Variants in CABLES1 observed in about 807,000 individuals in gnomAD.
CABLES1 encodes CDK5 and ABL1 enzyme substrate 1.
Under a neutral mutation model 57.8 loss-of-function variants are expected in CABLES1, and 36 were observed. The observed-to-expected ratio is 0.62, with a 90% CI of 0.48 to 0.82. The LOEUF (loss-of-function observed/expected upper bound fraction) is 0.82, where lower values mean the gene tolerates loss of function less well. Ranked by LOEUF, CABLES1 falls within the 40% of genes least tolerant of loss-of-function variation. The pLI, the probability that CABLES1 is intolerant of heterozygous loss-of-function variation, is 0.00. For missense variants in CABLES1, 767 were observed against 836.6 expected (o/e 0.92, Z 1.03); for synonymous variants, 374 against 363.0 (o/e 1.03, Z -0.35).
intron 9 of CABLES1, among the ~76,000 whole-genome samples, chr18:23,255,303 G>A (rs767855272): frequency 4.3e-5 from 6 of 140,336 alleles, no homozygotes; most frequent in Non-Finnish European, 7.7e-5. Context: ...TAAAAGACAT[G>A]GTTAAGTCAG....
chr18:23,233,316 G>A (rs931845590), intron 4 of CABLES1, among the ~76,000 whole-genome samples: 4 of 152,060 alleles, frequency 2.6e-5, no homozygotes, highest in African/African-American at 7.3e-5. Flanking sequence ...GTCCTTTGAG[G>A]TGTGAGCAGT....
chr18:23,207,302 G>A (rs142612762), intron 3 of CABLES1, among the ~76,000 whole-genome samples: 22 of 152,298 alleles, frequency 1.4e-4, no homozygotes, highest in African/African-American at 3.1e-4. Context: ...GAGTGGAAAC[G>A]CTGGTGAGTC....
At chr18:23,186,649 T>C (rs2047205070) in intron 1 of CABLES1, among the ~76,000 whole-genome samples, 1 of 152,178 alleles carries the variant, frequency 6.6e-6, no homozygotes, top group Non-Finnish European at 1.5e-5. Flanking sequence ...CTCAAACTCC[T>C]GATCTCAGGT....
In CABLES1 at chr18:23,167,710, C is replaced by T. The variant is rs545671572; in HGVS notation, c.846-21128C>T. The stretch of plus-strand genomic sequence containing the variant: ...TACCAGGCTGCAACAGAGTGAAGCC[C>T]GGGAGGCCATGGGAGCAAGGAGGGG... On this transcript the variant is annotated intron_variant, in intron 1 of 9. Coordinates refer to ENST00000256925, the MANE Select transcript of CABLES1 (RefSeq NM_001100619.3). Among the ~76,000 whole-genome samples the T allele has an allele frequency of 1.1e-4, 11 of 99,222 alleles. No individual in the cohort carries two copies. In the South Asian group the frequency reaches 2.8e-3, roughly 25 times the overall value. 65.1% of individuals were successfully genotyped at this position (99,222 alleles called of 152,430 possible).
chr18:23,248,783 C>A (rs552739665), intron 7 of CABLES1, among the ~76,000 whole-genome samples: 6 of 152,244 alleles, frequency 3.9e-5, no homozygotes, highest in Non-Finnish European at 7.4e-5. Context: ...TGAGATCACA[C>A]CATTGCACTC....
intron 1 of CABLES1, among the ~76,000 whole-genome samples, chr18:23,167,716 G>A (rs1338133799): frequency 2.2e-5 from 3 of 139,026 alleles, no homozygotes; most frequent in Non-Finnish European, 3.1e-5. Flanking sequence ...AGCCCGGGAG[G>A]CCATGGGAGC....
intron 1 of CABLES1, among the ~76,000 whole-genome samples, chr18:23,179,324 T>A (rs1401004110): frequency 2.0e-5 from 3 of 152,124 alleles, no homozygotes; most frequent in Non-Finnish European, 1.5e-5. Flanking sequence ...GTGTCTAATT[T>A]AAAAAAATCT....
At chr18:23,163,696 T>TTTATAGTG (rs2144979122) in intron 1 of CABLES1, among the ~76,000 whole-genome samples, 1 of 152,076 alleles carries the variant, frequency 6.6e-6, no homozygotes, top group Non-Finnish European at 1.5e-5. Flanking sequence ...CTTTAACTGG[T>TTTATAGTG]GAGCATGGAT....
chr18:23,158,728 T>C (rs1458779027), intron 1 of CABLES1, among the ~76,000 whole-genome samples: 1 of 152,182 alleles, frequency 6.6e-6, no homozygotes, highest in Non-Finnish European at 1.5e-5. Flanking sequence ...TGTGGGCACC[T>C]ATTGGGTTGA....
At chr18:23,221,482 G>T (rs1289674794) in intron 4 of CABLES1, among the ~76,000 whole-genome samples, 1 of 152,178 alleles carries the variant, frequency 6.6e-6, no homozygotes, top group East Asian at 1.9e-4. Context: ...TGATGGTTGG[G>T]GTGTGGGGCT....
At chr18:23,160,999 C>T (rs191869303) in intron 1 of CABLES1, among the ~76,000 whole-genome samples, 53 of 152,172 alleles carry the variant, frequency 3.5e-4, no homozygotes, top group Admixed American at 1.7e-3. Flanking sequence ...CACCATTGCA[C>T]TCCAGCCTGG....
chr18:23,148,115 G>A (rs935399398), intron 1 of CABLES1, among the ~76,000 whole-genome samples: 4 of 149,624 alleles, frequency 2.7e-5, no homozygotes, highest in Non-Finnish European at 5.9e-5. Flanking sequence ...TCAGCCTCCC[G>A]AGTAGCTGGG....
intron 7 of CABLES1, among the ~76,000 whole-genome samples, chr18:23,247,662 AT>A (rs988417370): frequency 3.3e-5 from 5 of 152,238 alleles, no homozygotes; most frequent in African/African-American, 1.2e-4. Context: ...GCCGGGCACC[AT>A]GTGTCAGAGC....
chr18:23,154,238 C>T (rs1429551937), intron 1 of CABLES1, among the ~76,000 whole-genome samples: 1 of 152,234 alleles, frequency 6.6e-6, no homozygotes, highest in Non-Finnish European at 1.5e-5. Context: ...CTGGAAACCT[C>T]ATAATCATGT....
intron 4 of CABLES1, among the ~76,000 whole-genome samples, chr18:23,223,058 T>TA (rs1292269118): frequency 5.3e-5 from 8 of 152,208 alleles, no homozygotes; most frequent in African/African-American, 1.7e-4. Context: ...ACCCTGAATG[T>TA]TAAGCCCAAG....
chr18:23,217,013 C>T (rs967402326), intron 4 of CABLES1, among the ~76,000 whole-genome samples: 3 of 152,116 alleles, frequency 2.0e-5, no homozygotes, highest in African/African-American at 7.2e-5. Flanking sequence ...AGATTCAAAT[C>T]CACTATTCCT....
At chr18:23,152,146 T>C (rs184570106) in intron 1 of CABLES1, among the ~76,000 whole-genome samples, 39 of 152,210 alleles carry the variant, frequency 2.6e-4, no homozygotes, top group Admixed American at 2.4e-3. Flanking sequence ...GTGTCTATAA[T>C]CTTAGCTATC....
At chr18:23,182,466 A>C (rs1332966106) in intron 1 of CABLES1, among the ~76,000 whole-genome samples, 1 of 152,204 alleles carries the variant, frequency 6.6e-6, no homozygotes, top group African/African-American at 2.4e-5. Flanking sequence ...CACTGGAGCT[A>C]TTCAATGGGA....
intron 1 of CABLES1, among the ~76,000 whole-genome samples, chr18:23,164,353 G>A (rs1051835913): frequency 1.3e-5 from 2 of 152,150 alleles, no homozygotes; most frequent in South Asian, 2.1e-4. Context: ...TCATCACAAG[G>A]CCCGCAGCCT....
Sources: gnomAD v4.1 joint callset for allele counts (sites outside exome capture counted in the v4.1 genomes callset) on GRCh38, gnomAD v4.1.1 for gene constraint, MANE v1.5 for transcripts, NCBI Gene and HGNC (gene_info 2026-07-23, HGNC 2026-07-21) for gene names.